TNIK: variants seen among roughly 807,000 people sequenced by gnomAD.
TNIK encodes TRAF2 and NCK-interacting protein kinase.
TNIK carries 49 observed loss-of-function variants against 191.3 expected under a neutral mutation model. The ratio of observed to expected loss-of-function variants is 0.26; its 90% CI spans 0.20 to 0.32. TNIK has a LOEUF of 0.32. Ranked by LOEUF, TNIK falls within the 10% of genes least tolerant of loss-of-function variation. TNIK has a pLI of 1.00. For synonymous variants in TNIK, 594 were observed against 600.9 expected, an observed-to-expected ratio of 0.99 and a Z score of 0.17; for missense variants, 1,155 against 1,702.3, an observed-to-expected ratio of 0.68 and a Z score of 5.66.
chr3:171,084,976 ATAATTT>A (rs1163647950), intron 25 of TNIK, 136 bp downstream of exon 25: 1 of 596,696 alleles, frequency 1.7e-6, no homozygotes, highest in Non-Finnish European at 2.8e-6. Flanking sequence ...TACAGAAATA[ATAATTT>A]TAAAAAGTCT....
At chr3:171,198,063 C>A (rs1403998442) in intron 4 of TNIK, among the ~76,000 whole-genome samples, 1 of 152,078 alleles carries the variant, frequency 6.6e-6, no homozygotes, top group Admixed American at 6.5e-5. Flanking sequence ...GATATCCATA[C>A]AATAAAATAT....
chr3:171,214,575 C>T (rs936230871), intron 3 of TNIK, among the ~76,000 whole-genome samples: 1 of 152,098 alleles, frequency 6.6e-6, no homozygotes, highest in Non-Finnish European at 1.5e-5. Flanking sequence ...GTATTAAGCA[C>T]AAGGATCAAG....
chr3:171,423,937 T>C (rs1724187187), intron 1 of TNIK, among the ~76,000 whole-genome samples: 2 of 152,138 alleles, frequency 1.3e-5, no homozygotes, highest in Non-Finnish European at 1.5e-5. Flanking sequence ...GGACTTCATG[T>C]CTAAAACACC....
At chr3:171,136,647 T>G (rs901710599) in intron 15 of TNIK, among the ~76,000 whole-genome samples, 6 of 152,192 alleles carry the variant, frequency 3.9e-5, no homozygotes, top group African/African-American at 1.4e-4. Context: ...TAGAGGCTAG[T>G]TTTTCAGTGG....
At chr3:171,078,108 C>G (rs919534137) in intron 28 of TNIK, among the ~76,000 whole-genome samples, 2 of 152,068 alleles carry the variant, frequency 1.3e-5, no homozygotes, top group Admixed American at 1.3e-4. Context: ...GTTTTGAAGG[C>G]CTTCTCATTT....
At chr3:171,455,587 G>T (rs1728701945) in intron 1 of TNIK, among the ~76,000 whole-genome samples, 1 of 152,098 alleles carries the variant, frequency 6.6e-6, no homozygotes, top group Non-Finnish European at 1.5e-5. Flanking sequence ...AATGTTGATG[G>T]TATCAATTTT....
At chr3:171,334,783 T>G (rs997073684) in intron 2 of TNIK, among the ~76,000 whole-genome samples, 1 of 152,180 alleles carries the variant, frequency 6.6e-6, no homozygotes, top group African/African-American at 2.4e-5. Flanking sequence ...AACACTCCAG[T>G]AATTTCCTTA....
intron 5 of TNIK, 67 bp downstream of exon 5, chr3:171,194,458 C>T (rs1738421373): frequency 1.5e-5 from 21 of 1,371,642 alleles, no homozygotes; most frequent in African/African-American, 2.9e-5. Flanking sequence ...AAAATTCAAT[C>T]CCTCATAAGA....
chr3:171,151,522 T>C (rs763854536), intron 12 of TNIK, among the ~76,000 whole-genome samples: 1 of 152,244 alleles, frequency 6.6e-6, no homozygotes, highest in Non-Finnish European at 1.5e-5. Context: ...AGGCTTTGTA[T>C]GAATTAACTC....
intron 1 of TNIK, among the ~76,000 whole-genome samples, chr3:171,410,351 G>A (rs1722217000): frequency 1.3e-5 from 2 of 152,290 alleles, no homozygotes; most frequent in South Asian, 4.1e-4. Context: ...TGAGAAGGCT[G>A]GCTGACACCT....
At position 171,212,427 on chromosome 3, in the gene TNIK, A is replaced by G. The variant is rs148322439; in HGVS notation, c.181-1186T>C. Among the ~76,000 whole-genome samples the G allele has an allele frequency of 9.3e-3, 1,419 of 152,096 alleles. 12 individuals are homozygous for G. The highest frequency in any genetic ancestry group is 0.015 in the Non-Finnish European group (1,045 of 67,988). ...TCACATACCTGCTGTATTTGTTGAC[A>G]TTGGTATGGAGGTATGTCCCATTAC... On this transcript the variant is annotated intron_variant, in intron 3 of 32. Transcript: ENST00000436636.
At chr3:171,391,164 C>T (rs138202360) in intron 1 of TNIK, among the ~76,000 whole-genome samples, 30 of 152,254 alleles carry the variant, frequency 2.0e-4, no homozygotes, top group Admixed American at 2.6e-4. Context: ...AAATCACCTT[C>T]GCTGGGATGA....
intron 2 of TNIK, among the ~76,000 whole-genome samples, chr3:171,352,323 T>TA (rs1713340582): frequency 6.6e-6 from 1 of 152,230 alleles, no homozygotes; most frequent in South Asian, 2.1e-4. Context: ...ATTCACCTTT[T>TA]AAGCCTTTGG....
chr3:171,289,102 G>A (rs1751388982), intron 2 of TNIK, among the ~76,000 whole-genome samples: 1 of 152,114 alleles, frequency 6.6e-6, no homozygotes, highest in Admixed American at 6.6e-5. Flanking sequence ...AGGCATAAGG[G>A]AAGCTTCACA....
intron 2 of TNIK, among the ~76,000 whole-genome samples, chr3:171,244,205 C>T (rs1219897829): frequency 6.6e-6 from 1 of 151,944 alleles, no homozygotes. Flanking sequence ...GCTGGGACTA[C>T]AGGCGCCCGC....
intron 2 of TNIK, among the ~76,000 whole-genome samples, chr3:171,253,029 C>T (rs1264888190): frequency 1.3e-5 from 2 of 151,918 alleles, no homozygotes; most frequent in Non-Finnish European, 2.9e-5. Context: ...GTAATTCCAG[C>T]CCTTTGGGAG....
At chr3:171,439,140 C>T (rs891471163) in intron 1 of TNIK, among the ~76,000 whole-genome samples, 1 of 152,018 alleles carries the variant, frequency 6.6e-6, no homozygotes, top group African/African-American at 2.4e-5. Flanking sequence ...GTCAGGAGAT[C>T]GAAACCATCC....
chr3:171,219,150 A>ATATATAATTATAAATATATATTATAAT (rs1270308467), intron 3 of TNIK, among the ~76,000 whole-genome samples: 4 of 125,646 alleles, frequency 3.2e-5, no homozygotes, highest in Non-Finnish European at 4.6e-5. Context: ...TATATTATAA[A>ATATATAATTATAAATATATATTATAAT]ATATATAATA....
At chr3:171,261,077 C>T (rs1747548232) in intron 2 of TNIK, among the ~76,000 whole-genome samples, 1 of 152,116 alleles carries the variant, frequency 6.6e-6, no homozygotes, top group Non-Finnish European at 1.5e-5. Flanking sequence ...TCCTTTCTTC[C>T]TCTATCAAAA....
Sources: gnomAD v4.1 joint callset for allele counts (sites outside exome capture counted in the v4.1 genomes callset) on GRCh38, gnomAD v4.1.1 for gene constraint, MANE v1.5 for transcripts, NCBI Gene and HGNC (gene_info 2026-07-23, HGNC 2026-07-21) for gene names.